SLC29A1: variants seen among roughly 807,000 people sequenced by gnomAD.
The protein encoded by SLC29A1 is solute carrier family 29 member 1 (Augustine blood group), also known as equilibrative nucleoside transporter 1.
SLC29A1 carries 22 observed loss-of-function variants against 48.3 expected under a neutral mutation model. The ratio of observed to expected loss-of-function variants is 0.46; its 90% confidence interval spans 0.33 to 0.65. The LOEUF is 0.65. Among genes scored for constraint, SLC29A1 ranks in the 30% least tolerant of loss-of-function variants. SLC29A1 has a pLI of 0.03. For missense variants in SLC29A1, 491 were observed against 575.3 expected (o/e 0.85, Z 1.50); for synonymous variants, 228 against 231.0 (o/e 0.99, Z 0.12).
upstream of SLC29A1, chr6:44,221,556 C>A: frequency 1.8e-6 from 2 of 1,131,336 alleles, no homozygotes; most frequent in Non-Finnish European, 2.4e-6. This position sits in a 1 kb window ranked among gnomAD's most constrained non-coding sequence, Gnocchi z 4.2. Flanking sequence ...TGCAGCAGGA[C>A]CAACCCTTCC....
chr6:44,224,081 AC>A (rs1776944449), intron 1 of SLC29A1: 1 of 361,192 alleles, frequency 2.8e-6, no homozygotes, highest in South Asian at 1.1e-4. Flanking sequence ...TGTCTCTTTA[AC>A]CCCGGTCTTT....
rs1779070096 is a variant in SLC29A1, at chr6:44,232,275, A to G, written c.974-68A>G. On this transcript the variant is annotated intron_variant, in intron 10 of 12. Coordinates refer to ENST00000371755, the MANE Select transcript of SLC29A1 (RefSeq NM_001372327.1). The surrounding 1 kb of genome is among the most constrained non-coding windows in gnomAD (Gnocchi z 4.7). ...TTTACTGTTGGGGAAGCTGAGGCCC[A>G]GTGAAGGTTAGGCTTGCTATACCTG... 8.1e-7 allele frequency: 1 copy of G among 1,232,334 alleles called. No individual in the cohort carries two copies. The highest frequency in any genetic ancestry group is 1.5e-5 in the African/African-American group (1 of 67,478). The allele number at this position is 1,232,334 out of a possible 1,614,324, so 76.3% of individuals were successfully genotyped here.
At chr6:44,228,441 C>T (rs750539247) in intron 2 of SLC29A1, among the ~76,000 whole-genome samples, 53 of 152,328 alleles carry the variant, frequency 3.5e-4, no homozygotes, top group South Asian at 6.2e-4. Context: ...TGCATTAACT[C>T]GGACCTGCTC....
intron 5 of SLC29A1, 110 bp downstream of exon 5, chr6:44,230,156 G>T (rs1485462177): frequency 1.3e-6 from 2 of 1,513,564 alleles, no homozygotes; most frequent in Non-Finnish European, 1.8e-6. Flanking sequence ...CCTGGAGGGA[G>T]TGGATGCTGT....
intron 1 of SLC29A1, among the ~76,000 whole-genome samples, chr6:44,224,344 T>TAAGC (rs1561874779): frequency 6.6e-6 from 1 of 151,546 alleles, no homozygotes; most frequent in East Asian, 2.0e-4. Context: ...CCTGCTTGTG[T>TAAGC]AAGCTCCCCA....
At chr6:44,231,703 G>A (rs372542291) in intron 9 of SLC29A1, among the ~76,000 whole-genome samples, 6 of 152,106 alleles carry the variant, frequency 3.9e-5, no homozygotes, top group South Asian at 2.1e-4. Context: ...ATCTCCACTC[G>A]CTGCAACCTC....
In SLC29A1 at chr6:44,232,314, G is replaced by A. The variant is rs773941602; in HGVS notation, c.974-29G>A. ...TTGCTATACCTGCCTCTGTGAGCCTGATAACCACCCGTTCATCTCCTCTTC... is the reference window on the plus strand; with the variant it reads ...TTGCTATACCTGCCTCTGTGAGCCTAATAACCACCCGTTCATCTCCTCTTC... On this transcript the variant is annotated intron_variant, in intron 10 of 12. Coordinates refer to ENST00000371755, the MANE Select transcript of SLC29A1 (RefSeq NM_001372327.1). The surrounding 1 kb of genome is among the most constrained non-coding windows in gnomAD (Gnocchi z 4.7). 3 of 1,528,984 alleles carry A rather than the reference G, an allele frequency of 2.0e-6. No homozygotes were observed. In the East Asian group the frequency reaches 6.7e-5, roughly 34 times the overall value. The allele number at this position is 1,528,984 out of a possible 1,614,324, so 94.7% of individuals were successfully genotyped here.
In SLC29A1 at chr6:44,230,058, C is replaced by CA. The variant is rs1309319402; in HGVS notation, c.454+13dup. 2 of 1,603,600 alleles carry CA rather than the reference C, an allele frequency of 1.2e-6. No homozygotes were observed. The highest frequency in any genetic ancestry group is 1.3e-5 in the African/African-American group (1 of 74,924). On this transcript the variant is annotated intron_variant, in intron 5 of 12. Transcript: ENST00000371755. Reference sequence around the variant, plus strand: ...CGTGCTCATTAATTGTAAGCTGGGCCAGGAGGGGGCCTATGGGAGGAGGCA... The same window carrying CA: ...CGTGCTCATTAATTGTAAGCTGGGCCAAGGAGGGGGCCTATGGGAGGAGGCA...
At chr6:44,223,432 G>A (rs1776703810), upstream of SLC29A1, 1 of 645,540 alleles carries the variant, frequency 1.5e-6, no homozygotes, top group Non-Finnish European at 1.9e-6. This position sits in a 1 kb window ranked among gnomAD's most constrained non-coding sequence, Gnocchi z 5.0. Flanking sequence ...TGGGGGCGCA[G>A]GGGCTCGGGG....
rs138726833 is a variant in SLC29A1 at position 44,227,059 on chromosome 6, G to C, written c.-51-204G>C. 9.6e-4 allele frequency: 1,306 copies of C among 1,367,224 alleles called. 7 individuals are homozygous for C. The African/African-American group carries it at 0.017, about 18-fold the overall frequency. The allele number at this position is 1,367,224 out of a possible 1,614,324, so 84.7% of individuals were successfully genotyped here. A position where few individuals can be genotyped will look rare whatever the true frequency, so the allele number is the denominator to read the frequency against. ...AGCCAGGTAGAGTCTGAGCAGGCAG[G>C]GGGGCCGCGCAGGACTGGCCTGCTG... On this transcript the variant is annotated intron_variant, in intron 1 of 12. Transcript: ENST00000371755.
At chr6:44,230,102 C>G (rs749694328) in intron 5 of SLC29A1, 56 bp downstream of exon 5, 2 of 1,593,838 alleles carry the variant, frequency 1.3e-6, no homozygotes, top group Non-Finnish European at 8.5e-7. Flanking sequence ...TACCCCCACT[C>G]TTTTTTCAGA....
Position 44,233,592 on chromosome 6 carries a change from C to T in SLC29A1, c.*64C>T, listed in dbSNP as rs1434146421. On this transcript the variant is annotated 3_prime_UTR_variant, in exon 13 of 13. Transcript: ENST00000371755. ...TCTGCCTCCTGCCCCTTCCTTCTGC[C>T]AGGGGTGATCCTGAGTGGTCTGGCG... The T allele has an allele frequency of 7.6e-7, 1 of 1,324,214 alleles. No individual in the cohort carries two copies. Among genetic ancestry groups the T allele is most frequent in the East Asian group, 2.3e-5 (1 of 43,468 alleles). 82.0% of individuals were successfully genotyped at this position (1,324,214 alleles called of 1,614,324 possible). A position where few individuals can be genotyped will look rare whatever the true frequency, so the allele number is the denominator to read the frequency against.
Position 44,229,586 on chromosome 6 carries a change from C to A in SLC29A1, c.112-3C>A. ...TCAACACTCCTCTCTGCAACCCCTG[C>A]AGTATTTCACAAACCGCCTGGACAT... On this transcript the variant is annotated splice_polypyrimidine_tract_variant and splice_region_variant and intron_variant, in intron 3 of 12. Coordinates refer to ENST00000371755, the MANE Select transcript of SLC29A1 (RefSeq NM_001372327.1). The surrounding 1 kb of genome is among the most constrained non-coding windows in gnomAD (Gnocchi z 5.1). 1 of 1,614,024 alleles carries A rather than the reference C, an allele frequency of 6.2e-7. No homozygotes were observed. The highest frequency in any genetic ancestry group is 8.5e-7 in the Non-Finnish European group (1 of 1,179,904).
At position 44,232,632 on chromosome 6, in the gene SLC29A1, G is replaced by A. The variant is rs79588440; in HGVS notation, c.1060-175G>A. ...ACATACCTGCCCAGATCGAGATGTAGAATATTTCCAGCACTCCAGAAGGCT... is the reference window on the plus strand; with the variant it reads ...ACATACCTGCCCAGATCGAGATGTAAAATATTTCCAGCACTCCAGAAGGCT... On this transcript the variant is annotated intron_variant, in intron 11 of 12. Transcript: ENST00000371755. This position sits in a 1 kb window ranked among gnomAD's most constrained non-coding sequence, Gnocchi z 4.7. 1.5e-6 allele frequency: 1 copy of A among 660,640 alleles called. No individual in the cohort carries two copies. The highest frequency in any genetic ancestry group is 2.8e-5 in the Admixed American group (1 of 36,200). 40.9% of individuals were successfully genotyped at this position (660,640 alleles called of 1,614,324 possible).
At chr6:44,227,488 C>A in intron 2 of SLC29A1, 146 bp downstream of exon 2, 2 of 702,858 alleles carry the variant, frequency 2.8e-6, no homozygotes, top group Non-Finnish European at 2.5e-6. Context: ...GGGTGGGGAC[C>A]CCGTGTGCCT....
chr6:44,232,912 G>T lies in SLC29A1; in HGVS notation c.1165G>T (p.Val389Phe). ...TAAGCCCCGCCGCTACCTGACTGTG[G>T]TCTTCGAGCACGATGCCTGGTTCAT... ...NIKPRRYLTV[V>F]FEHDAWFIFF... The change falls in exon 12 of 13, where the codon GTC becomes TTC. Residue 389 changes from valine (V) to phenylalanine (F), a missense_variant. Transcript: ENST00000371755. This position sits in a 1 kb window ranked among gnomAD's most constrained non-coding sequence, Gnocchi z 4.7. 6.2e-7 allele frequency: 1 copy of T among 1,614,186 alleles called. No individual in the cohort carries two copies. Among genetic ancestry groups the T allele is most frequent in the South Asian group, 1.1e-5 (1 of 91,088 alleles).
At chr6:44,230,696 G>GGT in intron 7 of SLC29A1, 31 bp downstream of exon 7, 5 of 561,112 alleles carry the variant, frequency 8.9e-6, no homozygotes, top group Non-Finnish European at 1.7e-5. Flanking sequence ...GGGGTTTGGG[G>GGT]TATAGGGGTC....
chr6:44,220,701 C>T (rs998879953), upstream of SLC29A1, among the ~76,000 whole-genome samples: 4 of 151,286 alleles, frequency 2.6e-5, no homozygotes, highest in African/African-American at 7.3e-5. Flanking sequence ...GGCACGTGCC[C>T]GTAATCCCAG....
chr6:44,223,512 C>CG (rs1343097623), upstream of SLC29A1: 163 of 944,248 alleles, frequency 1.7e-4, no homozygotes, highest in African/African-American at 2.1e-4. This position sits in a 1 kb window ranked among gnomAD's most constrained non-coding sequence, Gnocchi z 5.0. Context: ...CCGCGGGCGT[C>CG]GGGGAGGTGG....
Sources: allele counts gnomAD v4.1 joint callset (sites outside exome capture counted in the v4.1 genomes callset), GRCh38; gene constraint gnomAD v4.1.1; non-coding constraint Gnocchi (gnomAD v3.1); transcripts MANE v1.5; gene names NCBI Gene and HGNC (gene_info 2026-07-23, HGNC 2026-07-21).